Variants in TUBGCP5 observed in about 807,000 individuals in gnomAD.
TUBGCP5 encodes gamma-tubulin complex component 5.
In TUBGCP5, 98 loss-of-function variants were observed where a neutral mutation model predicts 134.7. The ratio of observed to expected loss-of-function variants is 0.73; its 90% CI spans 0.62 to 0.86. TUBGCP5 has a LOEUF of 0.86. Among genes scored for constraint, TUBGCP5 ranks in the 40% least tolerant of loss-of-function variants. The pLI, the probability that TUBGCP5 is intolerant of heterozygous loss-of-function variation, is 0.00. For synonymous variants in TUBGCP5, 456 were observed against 431.4 expected, an observed-to-expected ratio of 1.06 and a Z score of -0.71; for missense variants, 1,150 against 1,244.8, an observed-to-expected ratio of 0.92 and a Z score of 1.15.
At position 23,024,033 on chromosome 15, in the gene TUBGCP5, T is replaced by C. The variant is rs368909467; in HGVS notation, c.1082A>G (p.Tyr361Cys). Residue 361 changes from tyrosine to cysteine, a missense_variant, in exon 10 of 23, where the codon TAC becomes TGC. Tyr to Cys is a radical substitution (Grantham distance 194). Coordinates refer to ENST00000615383, the MANE Select transcript of TUBGCP5 (RefSeq NM_052903.6). ...GTACAGGGCCCACATGAAAGCCTGG[T>C]AGGTTCTAAAGGGAGCTTCAGTTGA... ...KKSTEAPFRT[Y>C]QAFMWALYKY... 4.3e-6 allele frequency: 7 copies of C among 1,614,024 alleles called. No homozygotes were observed. The Admixed American group carries it at 8.3e-5, about 19-fold the overall frequency.
rs1595916432 is a variant in TUBGCP5 at position 23,036,834 on chromosome 15, T to C, written c.309+63A>G. On this transcript the variant is annotated intron_variant, in intron 3 of 22. Coordinates refer to ENST00000615383, the MANE Select transcript of TUBGCP5 (RefSeq NM_052903.6). ...ATGTTTAAACAGTAACTGAAACAAA[T>C]TGACGATAATCAGATAGGAAACAGT... 3.4e-5 allele frequency: 38 copies of C among 1,113,180 alleles called. No homozygotes were observed. In the South Asian group the frequency reaches 4.4e-4, roughly 13 times the overall value. The allele number at this position is 1,113,180 out of a possible 1,614,324, so 69.0% of individuals were successfully genotyped here.
Position 23,031,940 on chromosome 15 carries a change from T to C in TUBGCP5, c.486+10A>G, listed in dbSNP as rs375534546. The C allele has an allele frequency of 5.7e-4, 911 of 1,593,952 alleles. 17 individuals carry two copies. The South Asian group carries it at 8.5e-3, about 15-fold the overall frequency. The stretch of plus-strand genomic sequence containing the variant: ...TTTCAATTTTCAATAGCAAAACTAC[T>C]ACCACTTACTGGTGTGTCCATGTAC... On this transcript the variant is annotated intron_variant, in intron 5 of 22. Transcript: ENST00000615383.
downstream of TUBGCP5, among the ~76,000 whole-genome samples, chr15:22,997,179 C>G (rs1174064229): frequency 6.6e-6 from 1 of 151,488 alleles, no homozygotes; most frequent in Non-Finnish European, 1.5e-5. Flanking sequence ...ACCAATAATT[C>G]CTTTTTTTTT....
intron 21 of TUBGCP5, 152 bp from the exon 22 acceptor site, chr15:23,000,821 C>T (rs995765744): frequency 2.2e-5 from 13 of 601,060 alleles, no homozygotes; most frequent in African/African-American, 2.1e-4. Flanking sequence ...TAACGTCCTA[C>T]CCTACTTTAA....
intron 23 of TUBGCP5, among the ~76,000 whole-genome samples, chr15:22,992,049 C>T (rs980207111): frequency 6.6e-6 from 1 of 152,138 alleles, no homozygotes; most frequent in Non-Finnish European, 1.5e-5. Context: ...TCTGGTCTCT[C>T]TTAGTCATTT....
intron 3 of TUBGCP5, among the ~76,000 whole-genome samples, chr15:23,034,424 T>C (rs2066470678): frequency 6.6e-6 from 1 of 152,068 alleles, no homozygotes; most frequent in Non-Finnish European, 1.5e-5. Flanking sequence ...ATGAAAAATG[T>C]GGATAACAAG....
At chr15:23,005,757 C>T in intron 18 of TUBGCP5, 147 bp from the exon 19 acceptor site, 1 of 843,598 alleles carries the variant, frequency 1.2e-6, no homozygotes, top group Non-Finnish European at 1.8e-6. Context: ...ACCTCAGTGC[C>T]TCTGGAAGGT....
chr15:23,012,610 G>A (rs536279266), intron 13 of TUBGCP5, among the ~76,000 whole-genome samples: 2 of 152,260 alleles, frequency 1.3e-5, no homozygotes, highest in African/African-American at 2.4e-5. Context: ...GTTTTACCAC[G>A]TTGACCAGGA....
Position 23,017,910 on chromosome 15 carries a change from C to T in TUBGCP5, c.1619G>A (p.Gly540Glu). 1 of 1,614,142 alleles carries T rather than the reference C, an allele frequency of 6.2e-7. No homozygotes were observed. The highest frequency in any genetic ancestry group is 1.7e-4 in the Middle Eastern group (1 of 6,060). ...CATGGTGTGCTGCCTGCTGGAGGGC[C>T]CCTGGTCACTGCCGGAACTCGCACT... ...NASASSGSDQGPSSRQHTMVS... is the reference protein window; with the variant it reads ...NASASSGSDQEPSSRQHTMVS... The change falls in exon 13 of 23, where the codon GGG becomes GAG. Residue 540 changes from glycine to glutamate, a missense_variant. Physicochemically the swap from Gly to Glu is moderately conservative, Grantham distance 98 (BLOSUM62 -2). Coordinates refer to ENST00000615383, the MANE Select transcript of TUBGCP5 (RefSeq NM_052903.6).
chr15:22,991,672 C>G (rs1216504262), intron 23 of TUBGCP5, among the ~76,000 whole-genome samples: 1 of 152,146 alleles, frequency 6.6e-6, no homozygotes, highest in East Asian at 1.9e-4. Flanking sequence ...TCAAAAGGAA[C>G]AGAATCTAGT....
chr15:23,034,744 A>T (rs1205581630), intron 3 of TUBGCP5, among the ~76,000 whole-genome samples: 2 of 152,024 alleles, frequency 1.3e-5, no homozygotes, highest in Non-Finnish European at 2.9e-5. Flanking sequence ...TTGTAATCCC[A>T]GTTACTTGGG....
chr15:22,989,095 A>G (rs2140342620), intron 23 of TUBGCP5, among the ~76,000 whole-genome samples: 1 of 152,214 alleles, frequency 6.6e-6, no homozygotes, highest in African/African-American at 2.4e-5. Flanking sequence ...GAGCCGTGTG[A>G]CGACATCCCC....
chr15:23,018,004 A>G lies in TUBGCP5; in HGVS notation c.1525T>C (p.Tyr509His). 6.2e-7 allele frequency: 1 copy of G among 1,612,968 alleles called. No individual in the cohort carries two copies. The highest frequency in any genetic ancestry group is 8.5e-7 in the Non-Finnish European group (1 of 1,179,114). Residue 509 changes from tyrosine (Y) to histidine (H), a missense_variant, in exon 13 of 23, where the codon TAT (tyrosine) becomes CAT (histidine). Tyr to His is a moderately conservative substitution (Grantham distance 83). Coordinates refer to ENST00000615383, the MANE Select transcript of TUBGCP5 (RefSeq NM_052903.6). ...ACGCTATATAACGTGTAAGTTGCATACCAGAAGTCTCTGTGATTAACTGGA... is the reference window on the plus strand; with the variant it reads ...ACGCTATATAACGTGTAAGTTGCATGCCAGAAGTCTCTGTGATTAACTGGA... ...NVPVNHRDFW[Y>H]ATYTLYSVSE...
intron 14 of TUBGCP5, 61 bp from the exon 15 acceptor site, chr15:23,010,194 TC>T: frequency 6.6e-7 from 1 of 1,522,150 alleles, no homozygotes; most frequent in Admixed American, 1.9e-5. Flanking sequence ...CTCTCTTAAA[TC>T]AAAACCCTGA....
At chr15:23,027,807 A>C (rs2066065139) in intron 6 of TUBGCP5, among the ~76,000 whole-genome samples, 1 of 151,738 alleles carries the variant, frequency 6.6e-6, no homozygotes, top group African/African-American at 2.4e-5. Flanking sequence ...AATTTAATTA[A>C]ATGTAACTGA....
rs76583026 is a variant in TUBGCP5 at position 23,038,544 on chromosome 15, C to T, written c.146+854G>A. ...ATGGTTTAAAAGAATCTGAAAGCCC[C>T]GTATTCCTATTATAAGCCAACTAGA... On this transcript the variant is annotated intron_variant, in intron 1 of 22. Transcript: ENST00000615383. Among the ~76,000 whole-genome samples the T allele has an allele frequency of 9.8e-3, 1,484 of 152,162 alleles. 24 individuals are homozygous for T. Among genetic ancestry groups the T allele is most frequent in the African/African-American group, 0.034 (1,407 of 41,484 alleles).
At chr15:23,034,380 GA>G (rs1289636580) in intron 3 of TUBGCP5, among the ~76,000 whole-genome samples, 1 of 152,180 alleles carries the variant, frequency 6.6e-6, no homozygotes, top group Non-Finnish European at 1.5e-5. Context: ...CCCGGGAATT[GA>G]AAACAACTAT....
At chr15:23,002,702 G>A (rs575775066) in intron 21 of TUBGCP5, among the ~76,000 whole-genome samples, 2 of 152,320 alleles carry the variant, frequency 1.3e-5, no homozygotes, top group African/African-American at 4.8e-5. Flanking sequence ...TGGCACAGCT[G>A]AAGCAGGTGC....
Position 23,005,459 on chromosome 15 carries a change from G to A in TUBGCP5, c.2685C>T (p.Asn895=). 6.2e-7 allele frequency: 1 copy of A among 1,614,108 alleles called. No individual in the cohort carries two copies. Among genetic ancestry groups the A allele is most frequent in the Non-Finnish European group, 8.5e-7 (1 of 1,179,998 alleles). The stretch of plus-strand genomic sequence containing the variant: ...TGGTCATGATGTAGTTGTGCAAGCT[G>A]TTCACGAAATGCATGAGCTTCACTC... The part of the protein sequence containing the change: ...LLRVKLMHFV[N]SLHNYIMTRI... Residue 895 remains asparagine, a synonymous_variant, in exon 19 of 23, where the codon AAC becomes AAT. Coordinates refer to ENST00000615383, the MANE Select transcript of TUBGCP5 (RefSeq NM_052903.6).
Sources: allele counts gnomAD v4.1 joint callset (sites outside exome capture counted in the v4.1 genomes callset), GRCh38; gene constraint gnomAD v4.1.1; transcripts MANE v1.5; gene names NCBI Gene and HGNC (gene_info 2026-07-23, HGNC 2026-07-21).